Variants in CALCRL observed in about 807,000 individuals in gnomAD.
CALCRL encodes the protein calcitonin gene-related peptide type 1 receptor.
In CALCRL, 27 loss-of-function variants were observed where a neutral mutation model predicts 60.4. The ratio of observed to expected loss-of-function variants is 0.45; its 90% CI spans 0.33 to 0.62. The LOEUF is 0.62. Ranked by LOEUF, CALCRL falls within the 20% of genes least tolerant of loss-of-function variation. The pLI, the probability that CALCRL is intolerant of heterozygous loss-of-function variation, is 0.03. For missense variants in CALCRL, 424 were observed against 540.7 expected (o/e 0.78, Z 2.14); for synonymous variants, 190 against 182.6 (o/e 1.04, Z -0.33).
chr2:187,378,414 C>T (rs1559050792), intron 8 of CALCRL, among the ~76,000 whole-genome samples: 2 of 152,100 alleles, frequency 1.3e-5, no homozygotes, highest in African/African-American at 4.8e-5. Context: ...GACTCTTCCT[C>T]CTCAAAATGG....
chr2:187,415,527 A>G (rs1179849653), intron 1 of CALCRL: 4 of 401,232 alleles, frequency 1.0e-5, no homozygotes, highest in Non-Finnish European at 1.8e-5. Flanking sequence ...TGTGGTATCT[A>G]ACAATGTTTG....
intron 1 of CALCRL, chr2:187,428,840 C>G (rs1690267561): frequency 6.6e-6 from 1 of 150,402 alleles, no homozygotes. Context: ...TTGCAGTGAG[C>G]CAAGGTCGCG....
chr2:187,428,274 TAA>T (rs1690240619), intron 1 of CALCRL: 1 of 152,222 alleles, frequency 6.6e-6, no homozygotes, highest in Non-Finnish European at 1.5e-5. Context: ...GTGTCATATT[TAA>T]GTCCCAGCTT....
At chr2:187,409,627 A>T (rs1689271626) in intron 1 of CALCRL, among the ~76,000 whole-genome samples, 1 of 152,222 alleles carries the variant, frequency 6.6e-6, no homozygotes, top group African/African-American at 2.4e-5. Flanking sequence ...ATAATGGTGA[A>T]TAAAAGATTA....
At chr2:187,442,373 T>G (rs1690960593) in intron 1 of CALCRL, among the ~76,000 whole-genome samples, 1 of 151,326 alleles carries the variant, frequency 6.6e-6, no homozygotes, top group African/African-American at 2.4e-5. Flanking sequence ...ATGTATTTTT[T>G]TTTAATTTAT....
chr2:187,442,618 T>G (rs1019996253), intron 1 of CALCRL, among the ~76,000 whole-genome samples: 1 of 151,936 alleles, frequency 6.6e-6, no homozygotes, highest in African/African-American at 2.4e-5. Context: ...AAAAAAATGG[T>G]CAAAAACAAC....
At chr2:187,404,817 T>C (rs934715498) in intron 1 of CALCRL, among the ~76,000 whole-genome samples, 1 of 151,842 alleles carries the variant, frequency 6.6e-6, no homozygotes, top group Admixed American at 6.6e-5. Context: ...GGAGTCAGTA[T>C]GGGTATCTGA....
chr2:187,401,155 G>A (rs1456330014), intron 1 of CALCRL, among the ~76,000 whole-genome samples: 2 of 151,622 alleles, frequency 1.3e-5, no homozygotes, highest in African/African-American at 2.4e-5. Flanking sequence ...CTCATGAAGT[G>A]TACGGGTATA....
intron 4 of CALCRL, among the ~76,000 whole-genome samples, chr2:187,383,962 T>C (rs1257106800): frequency 2.7e-5 from 4 of 150,628 alleles, no homozygotes; most frequent in Non-Finnish European, 4.4e-5. Flanking sequence ...TCCACGTGAC[T>C]TTTTTTCTGA....
chr2:187,397,652 C>T (rs745719340), intron 1 of CALCRL, among the ~76,000 whole-genome samples: 3 of 151,452 alleles, frequency 2.0e-5, no homozygotes, highest in Non-Finnish European at 4.4e-5. Flanking sequence ...GAATAGTATA[C>T]ATTGTACCCA....
chr2:187,447,884 G>GGTA (rs1691266023), intron 1 of CALCRL, among the ~76,000 whole-genome samples, 155 bp downstream of exon 1: 1 of 151,870 alleles, frequency 6.6e-6, no homozygotes, highest in East Asian at 1.9e-4. Context: ...TTCATGTTGG[G>GGTA]GTAGTAGGCT....
At chr2:187,384,614 G>A (rs893574698) in intron 4 of CALCRL, among the ~76,000 whole-genome samples, 2 of 152,186 alleles carry the variant, frequency 1.3e-5, no homozygotes, top group African/African-American at 2.4e-5. Context: ...GGAAATATTT[G>A]CTCCTAGACT....
At position 187,380,467 on chromosome 2, in the gene CALCRL, C is replaced by A; in HGVS notation, c.408G>T (p.Lys136Asn). 6.4e-7 allele frequency: 1 copy of A among 1,553,700 alleles called. No individual in the cohort carries two copies. Among genetic ancestry groups the A allele is most frequent in the Non-Finnish European group, 8.9e-7 (1 of 1,126,346 alleles). The change falls in exon 7 of 15, where the codon AAG becomes AAT. Residue 136 changes from lysine to asparagine, a missense_variant and splice_region_variant. By Grantham distance (94) the Lys-to-Asn change is moderately conservative. This residue lies in a region of CALCRL where 43 missense variants were observed against 46.6 expected (regional missense o/e 0.92). Transcript: ENST00000392370. ...QCNVNTHEKV[K>N]TALNLFYLTI... Reference sequence around the variant, plus strand: ...ATTTCAATTCAGAATTATGACATACCTTCACTTTCTCGTGGGTGTTAACAT... The same window carrying A: ...ATTTCAATTCAGAATTATGACATACATTCACTTTCTCGTGGGTGTTAACAT...
chr2:187,371,045 A>AT (rs1426411042), intron 8 of CALCRL, among the ~76,000 whole-genome samples: 1 of 152,064 alleles, frequency 6.6e-6, no homozygotes, highest in Non-Finnish European at 1.5e-5. Context: ...GATCAAGATC[A>AT]TCCTGGCTAA....
At chr2:187,433,757 A>G (rs1690502491) in intron 1 of CALCRL, among the ~76,000 whole-genome samples, 1 of 152,086 alleles carries the variant, frequency 6.6e-6, no homozygotes, top group Admixed American at 6.6e-5. Context: ...TTATCTGAAG[A>G]AAAAATATAT....
At chr2:187,424,189 G>C (rs1300445238) in intron 1 of CALCRL, among the ~76,000 whole-genome samples, 1 of 152,028 alleles carries the variant, frequency 6.6e-6, no homozygotes, top group Non-Finnish European at 1.5e-5. Context: ...ATGGTTGGCA[G>C]GTCCATTTGC....
rs566929519 is a variant in CALCRL, at chr2:187,418,072, A to G, written c.-293+29967T>C. On this transcript the variant is annotated intron_variant, in intron 1 of 14. Coordinates refer to ENST00000392370, the MANE Select transcript of CALCRL (RefSeq NM_005795.6). ...CCCAGCTTAGTTTGAGGTTAAATGTAAAAAGCTTTGACGTTTTCTGTTCTC... is the reference window on the plus strand; with the variant it reads ...CCCAGCTTAGTTTGAGGTTAAATGTGAAAAGCTTTGACGTTTTCTGTTCTC... 3.3e-5 allele frequency among the ~76,000 whole-genome samples: 5 copies of G among 152,298 alleles called. No individual in the cohort carries two copies. The South Asian group carries it at 1.0e-3, about 32-fold the overall frequency.
At chr2:187,421,016 T>G (rs1367028075) in intron 1 of CALCRL, among the ~76,000 whole-genome samples, 1 of 152,164 alleles carries the variant, frequency 6.6e-6, no homozygotes, top group African/African-American at 2.4e-5. Flanking sequence ...GAACTGTATG[T>G]GCCAGGAATA....
chr2:187,376,920 G>T (rs1687780813), intron 8 of CALCRL, among the ~76,000 whole-genome samples: 1 of 152,100 alleles, frequency 6.6e-6, no homozygotes, highest in Non-Finnish European at 1.5e-5. Context: ...AATTTGCAGA[G>T]ATAGTGGTCT....
Sources: allele counts gnomAD v4.1 joint callset (sites outside exome capture counted in the v4.1 genomes callset), GRCh38; gene constraint gnomAD v4.1.1; regional missense constraint gnomAD v4.1.1; transcripts MANE v1.5; gene names NCBI Gene and HGNC (gene_info 2026-07-23, HGNC 2026-07-21).